CSMD3: variants seen among roughly 807,000 people sequenced by gnomAD.
The protein encoded by CSMD3 is CUB and Sushi multiple domains 3.
A neutral mutation model predicts 435.2 loss-of-function variants in CSMD3; 177 were observed. That is an observed-to-expected ratio of 0.41 (90% CI 0.36 to 0.46). The LOEUF (loss-of-function observed/expected upper bound fraction) is 0.46, where lower values mean the gene tolerates loss of function less well. Among genes scored for constraint, CSMD3 ranks in the 20% least tolerant of loss-of-function variants. CSMD3 has a pLI of 0.34. For missense variants in CSMD3, 4,265 were observed against 4,504.6 expected (o/e 0.95, Z 1.52); for synonymous variants, 1,656 against 1,520.5 (o/e 1.09, Z -2.07).
intron 13 of CSMD3, among the ~76,000 whole-genome samples, chr8:112,777,475 A>G (rs574507877): frequency 6.6e-6 from 1 of 151,958 alleles, no homozygotes; most frequent in Admixed American, 6.6e-5. Context: ...GAACCATAAC[A>G]ATTGCCAGTA....
chr8:113,082,123 G>A, intron 5 of CSMD3, among the ~76,000 whole-genome samples: 1 of 152,024 alleles, frequency 6.6e-6, no homozygotes, highest in East Asian at 1.9e-4. Flanking sequence ...GTTCTGCCAG[G>A]GGCCCAAGGA....
intron 6 of CSMD3, among the ~76,000 whole-genome samples, chr8:112,983,105 G>T (rs1262234593): frequency 2.0e-5 from 3 of 151,832 alleles, no homozygotes; most frequent in Non-Finnish European, 4.4e-5. Context: ...ATTTTATAAT[G>T]ATAGTATTTG....
chr8:112,296,549 C>CAA (rs968241561), intron 53 of CSMD3, among the ~76,000 whole-genome samples: 3 of 120,694 alleles, frequency 2.5e-5, no homozygotes, highest in African/African-American at 5.8e-5. Context: ...GACTCCACCT[C>CAA]AAAAAAAAAA....
At chr8:113,397,008 G>C (rs902039670) in intron 1 of CSMD3, among the ~76,000 whole-genome samples, 1 of 152,050 alleles carries the variant, frequency 6.6e-6, no homozygotes, top group Non-Finnish European at 1.5e-5. Flanking sequence ...GAAATATTTT[G>C]AAAGAATATT....
chr8:113,327,428 A>G (rs2093991377), intron 1 of CSMD3, among the ~76,000 whole-genome samples: 1 of 152,216 alleles, frequency 6.6e-6, no homozygotes. Context: ...TGGAATTAAT[A>G]TAAGGGGTGT....
At chr8:113,394,124 CT>C (rs746149796) in intron 1 of CSMD3, among the ~76,000 whole-genome samples, 3 of 149,982 alleles carry the variant, frequency 2.0e-5, no homozygotes, top group South Asian at 2.1e-4. Context: ...ATTTTTATAA[CT>C]GGGTACTAAA....
chr8:112,645,264 A>G (rs2074948036), intron 19 of CSMD3, 39 bp from the exon 20 acceptor site: 5 of 1,080,446 alleles, frequency 4.6e-6, no homozygotes, highest in Non-Finnish European at 4.3e-6. Flanking sequence ...ATCAGCAGTG[A>G]GAGAGACAGA....
intron 49 of CSMD3, among the ~76,000 whole-genome samples, chr8:112,311,510 T>C (rs1315287421): frequency 6.6e-6 from 1 of 152,242 alleles, no homozygotes; most frequent in Non-Finnish European, 1.5e-5. Context: ...TTGAGGGACC[T>C]ATATGCCACA....
intron 32 of CSMD3, among the ~76,000 whole-genome samples, chr8:112,447,038 A>G (rs1563545329): frequency 6.6e-6 from 1 of 152,208 alleles, no homozygotes; most frequent in Non-Finnish European, 1.5e-5. Flanking sequence ...ATTATTTTAA[A>G]GAGTGTAATA....
At chr8:112,812,075 G>A (rs1199743279) in intron 12 of CSMD3, among the ~76,000 whole-genome samples, 1 of 152,126 alleles carries the variant, frequency 6.6e-6, no homozygotes, top group Non-Finnish European at 1.5e-5. Flanking sequence ...GGAATATTAG[G>A]TGATCATCAG....
chr8:113,251,630 T>C (rs2093336071), intron 3 of CSMD3, among the ~76,000 whole-genome samples: 1 of 152,072 alleles, frequency 6.6e-6, no homozygotes, highest in South Asian at 2.1e-4. Context: ...AATACTAGTT[T>C]AAATAACTTT....
At chr8:112,703,207 C>T (rs1274279293) in intron 13 of CSMD3, among the ~76,000 whole-genome samples, 2 of 152,090 alleles carry the variant, frequency 1.3e-5, no homozygotes, top group Non-Finnish European at 2.9e-5. Context: ...GAGGATCCAT[C>T]CCCAGGGTCA....
At chr8:112,859,043 C>T (rs936402959) in intron 11 of CSMD3, 102 bp downstream of exon 11, 3 of 1,114,220 alleles carry the variant, frequency 2.7e-6, no homozygotes, top group Non-Finnish European at 4.0e-6. Flanking sequence ...CAAAATCCTA[C>T]TTGAGTTATA....
chr8:113,201,155 C>G (rs1407892849), intron 3 of CSMD3, among the ~76,000 whole-genome samples: 3 of 151,910 alleles, frequency 2.0e-5, no homozygotes. Flanking sequence ...ATGGTCATAG[C>G]TCTGCTAAAA....
intron 5 of CSMD3, among the ~76,000 whole-genome samples, chr8:113,069,493 C>T (rs538887895): frequency 6.6e-6 from 1 of 152,058 alleles, no homozygotes; most frequent in African/African-American, 2.4e-5. Flanking sequence ...GTAATTTAAA[C>T]ACTTTTTAAC....
At chr8:112,761,812 A>G (rs1010312532) in intron 13 of CSMD3, among the ~76,000 whole-genome samples, 1 of 151,970 alleles carries the variant, frequency 6.6e-6, no homozygotes, top group Non-Finnish European at 1.5e-5. Flanking sequence ...GTGAGTATAT[A>G]TGTGTATGTG....
chr8:112,456,255 A>T (rs1463963241), intron 32 of CSMD3, among the ~76,000 whole-genome samples: 3 of 152,150 alleles, frequency 2.0e-5, no homozygotes, highest in Non-Finnish European at 4.4e-5. Flanking sequence ...CAAACAGGAA[A>T]TCCACAGAAA....
At chr8:112,597,044 C>CA (rs1213815798) in intron 22 of CSMD3, among the ~76,000 whole-genome samples, 8 of 151,932 alleles carry the variant, frequency 5.3e-5, no homozygotes, top group Admixed American at 3.3e-4. Flanking sequence ...AATAGAGACA[C>CA]AAAAAAGTCT....
chr8:112,730,194 G>A lies in CSMD3; in HGVS notation c.1973-40144C>T, dbSNP rs181383215. ...ACAAGGATCTAGACTTAAAAGAGAA[G>A]GGAAGGGTGATAAATATTATTTTTA... is the stretch of plus-strand genomic sequence containing the variant. On this transcript the variant is annotated intron_variant, in intron 13 of 70. Coordinates refer to ENST00000297405, the MANE Select transcript of CSMD3 (RefSeq NM_198123.2). Among the ~76,000 whole-genome samples the A allele has an allele frequency of 4.1e-3, 625 of 152,032 alleles. 4 individuals carry two copies. The highest frequency in any genetic ancestry group is 7.8e-3 in the Non-Finnish European group (527 of 67,934).
Sources: allele counts gnomAD v4.1 joint callset (sites outside exome capture counted in the v4.1 genomes callset), GRCh38; gene constraint gnomAD v4.1.1; transcripts MANE v1.5; gene names NCBI Gene and HGNC (gene_info 2026-07-23, HGNC 2026-07-21).